PTK2B: variants seen among roughly 807,000 people sequenced by gnomAD.
PTK2B encodes the protein protein tyrosine kinase 2 beta, also known as protein-tyrosine kinase 2-beta.
A neutral mutation model predicts 142.9 loss-of-function variants in PTK2B; 71 were observed. That is an observed-to-expected ratio of 0.50 (90% CI 0.41 to 0.61). The LOEUF (loss-of-function observed/expected upper bound fraction) is 0.61. PTK2B is among the 20% of genes least tolerant of loss of function. The probability of loss-of-function intolerance (pLI) is 0.00; values close to 1 mark genes in which losing one functional copy is unlikely to be tolerated. For missense variants in PTK2B, 1,105 were observed against 1,320.4 expected (o/e 0.84, Z 2.53); for synonymous variants, 519 against 503.4 (o/e 1.03, Z -0.42).
intron 14 of PTK2B, 48 bp from the exon 15 acceptor site, chr8:27,436,203 G>C (rs1810765360): frequency 6.3e-7 from 1 of 1,584,208 alleles, no homozygotes; most frequent in Non-Finnish European, 8.7e-7. Flanking sequence ...TTCCCTAGGG[G>C]ATACCACCGA....
chr8:27,419,305 T>C (rs1026248414), intron 2 of PTK2B, among the ~76,000 whole-genome samples: 4 of 152,200 alleles, frequency 2.6e-5, no homozygotes, highest in Admixed American at 2.6e-4. Context: ...CTTGTCCTTA[T>C]CTTTTCCAGC....
chr8:27,315,584 CTA>C (rs903373742), intron 3 of PTK2B, among the ~76,000 whole-genome samples: 1 of 151,912 alleles, frequency 6.6e-6, no homozygotes, highest in African/African-American at 2.4e-5. Context: ...GTGTTGCTGT[CTA>C]TGTGTTTCAT....
chr8:27,390,390 T>C (rs1338525765), intron 1 of PTK2B, among the ~76,000 whole-genome samples: 1 of 152,078 alleles, frequency 6.6e-6, no homozygotes, highest in South Asian at 2.1e-4. Context: ...ATCCCAGCAC[T>C]TTGGGAGGTT....
chr8:27,406,280 T>C (rs1808708556), intron 2 of PTK2B, among the ~76,000 whole-genome samples: 1 of 152,032 alleles, frequency 6.6e-6, no homozygotes, highest in African/African-American at 2.4e-5. Flanking sequence ...TTAATTACAT[T>C]TGCAAAGCCC....
At chr8:27,333,267 A>AT (rs1466810880) in intron 1 of PTK2B, among the ~76,000 whole-genome samples, 2 of 152,228 alleles carry the variant, frequency 1.3e-5, no homozygotes, top group Non-Finnish European at 2.9e-5. Context: ...GGAACGGAAG[A>AT]TAAGGCTTGG....
intron 1 of PTK2B, among the ~76,000 whole-genome samples, chr8:27,377,879 C>G (rs1455702703): frequency 6.6e-6 from 1 of 152,140 alleles, no homozygotes; most frequent in Non-Finnish European, 1.5e-5. Context: ...AAACCTCCTC[C>G]CCTACTTAAC....
At chr8:27,335,830 G>C (rs977267397) in intron 1 of PTK2B, among the ~76,000 whole-genome samples, 3 of 151,674 alleles carry the variant, frequency 2.0e-5, no homozygotes, top group Non-Finnish European at 4.4e-5. Flanking sequence ...TGTGCAATCA[G>C]GGGGTGTGGG....
rs184636089 is a variant in PTK2B at position 27,378,765 on chromosome 8, C to T, written c.-37-18783C>T. On this transcript the variant is annotated intron_variant, in intron 1 of 30. Transcript: ENST00000346049. Reference sequence around the variant, plus strand: ...AACCCCCACACTCTACTCCCACCTGCTTCATCTTATCCCCCACCCCAAGTG... The same window carrying T: ...AACCCCCACACTCTACTCCCACCTGTTTCATCTTATCCCCCACCCCAAGTG... Among the ~76,000 whole-genome samples the T allele has an allele frequency of 1.2e-3, 179 of 152,250 alleles. 1 individual carries two copies. The highest frequency in any genetic ancestry group is 4.2e-3 in the African/African-American group (176 of 41,540).
intron 1 of PTK2B, among the ~76,000 whole-genome samples, chr8:27,362,365 T>G (rs1805763059): frequency 1.3e-5 from 2 of 152,084 alleles, no homozygotes; most frequent in Admixed American, 1.3e-4. Flanking sequence ...AGACCCAGAG[T>G]TTCAGTGTTA....
rs532230267 is a variant in PTK2B, at chr8:27,330,742, G to A, written c.-38+5061G>A. Among the ~76,000 whole-genome samples the A allele has an allele frequency of 7.2e-4, 110 of 152,268 alleles. 1 individual carries two copies. The highest frequency in any genetic ancestry group is 1.2e-3 in the Non-Finnish European group (80 of 68,006). On this transcript the variant is annotated intron_variant, in intron 1 of 30. Coordinates refer to ENST00000346049, the MANE Select transcript of PTK2B (RefSeq NM_173176.3). ...GAGCAGACTTGAGGCTGCATGTTCC[G>A]ACACACTTTTCACCCAGATGCAGCG... is the stretch of plus-strand genomic sequence containing the variant.
At chr8:27,450,693 T>A in intron 24 of PTK2B, 56 bp from the exon 25 acceptor site, 1 of 1,603,258 alleles carries the variant, frequency 6.2e-7, no homozygotes, top group South Asian at 1.1e-5. Context: ...TGTCCCTCCC[T>A]GAGTCTGAGA....
At chr8:27,310,998 C>T (rs1802933497), upstream of PTK2B, 1 of 1,611,724 alleles carries the variant, frequency 6.2e-7, no homozygotes, top group Non-Finnish European at 8.5e-7. Flanking sequence ...AGCAGCTTCT[C>T]CACCAGGTTG....
chr8:27,315,398 G>C (rs1586067334), intron 3 of PTK2B, among the ~76,000 whole-genome samples: 1 of 152,112 alleles, frequency 6.6e-6, no homozygotes, highest in Non-Finnish European at 1.5e-5. Context: ...TGGTTGGTTA[G>C]TGGTTCAAAA....
At chr8:27,319,277 ATTT>A (rs34154097) in intron 3 of PTK2B, among the ~76,000 whole-genome samples, 6,831 of 144,380 alleles carry the variant, frequency 0.047, 471 homozygotes, top group African/African-American at 0.15. Context: ...CCCTCTACAG[ATTT>A]TTTTTTGGAT....
intron 5 of PTK2B, among the ~76,000 whole-genome samples, chr8:27,427,399 T>C (rs1446021684): frequency 6.6e-6 from 1 of 152,156 alleles, no homozygotes; most frequent in Non-Finnish European, 1.5e-5. Context: ...GTGCACCAGA[T>C]TGTGAAAATC....
chr8:27,383,210 T>A (rs1349625565), intron 1 of PTK2B, among the ~76,000 whole-genome samples: 1 of 152,146 alleles, frequency 6.6e-6, no homozygotes, highest in African/African-American at 2.4e-5. Context: ...TTTTCCATTT[T>A]GTGTGTGTGT....
intron 1 of PTK2B, among the ~76,000 whole-genome samples, chr8:27,361,363 C>CAT (rs553866113): frequency 1.1e-3 from 161 of 152,246 alleles, no homozygotes; most frequent in Middle Eastern, 3.4e-3. Flanking sequence ...GGACCACAGG[C>CAT]ATGCACCACC....
At chr8:27,443,939 G>C (rs1811312445) in intron 22 of PTK2B, among the ~76,000 whole-genome samples, 1 of 152,208 alleles carries the variant, frequency 6.6e-6, no homozygotes. Context: ...CCCACGTATA[G>C]GGAAGCAACA....
At chr8:27,326,178 G>T (rs1803403562) in intron 1 of PTK2B, among the ~76,000 whole-genome samples, 1 of 152,084 alleles carries the variant, frequency 6.6e-6, no homozygotes. Flanking sequence ...ATCAAGCCCT[G>T]GCTGGAGGAA....
Sources: allele counts gnomAD v4.1 joint callset (sites outside exome capture counted in the v4.1 genomes callset), GRCh38; gene constraint gnomAD v4.1.1; transcripts MANE v1.5; gene names NCBI Gene and HGNC (gene_info 2026-07-23, HGNC 2026-07-21).